The following SUN1 variants were observed in gnomAD, a reference collection of about 807,000 sequenced individuals.
SUN1 encodes the protein SUN domain-containing protein 1.
SUN1 carries 61 observed loss-of-function variants against 103.2 expected under a neutral mutation model. The observed-to-expected ratio is 0.59, with a 90% CI of 0.48 to 0.73. The LOEUF (loss-of-function observed/expected upper bound fraction) is 0.73, where lower values mean the gene tolerates loss of function less well. Among genes scored for constraint, SUN1 ranks in the 30% least tolerant of loss-of-function variants. The pLI is 0.00. For missense variants in SUN1, 1,052 were observed against 1,034.6 expected (o/e 1.02, Z -0.23); for synonymous variants, 490 against 425.7 (o/e 1.15, Z -1.86).
chr7:844,008 A>C (rs937409077), intron 5 of SUN1: 6 of 503,558 alleles, frequency 1.2e-5, no homozygotes, highest in Admixed American at 1.1e-4. Flanking sequence ...TCTGGGAAGG[A>C]CACACGTGAC....
chr7:859,424 C>T (rs1378591416), intron 13 of SUN1, among the ~76,000 whole-genome samples: 1 of 152,162 alleles, frequency 6.6e-6, no homozygotes, highest in Non-Finnish European at 1.5e-5. Context: ...CCTTGGGAAT[C>T]ATCCTACAGA....
At chr7:830,379 CATT>C (rs1459914946), upstream of SUN1, among the ~76,000 whole-genome samples, 1 of 152,202 alleles carries the variant, frequency 6.6e-6, no homozygotes, top group Admixed American at 6.5e-5. Flanking sequence ...GGACAGGTGT[CATT>C]ACGCGGGGAC....
intron 1 of SUN1, among the ~76,000 whole-genome samples, chr7:818,110 G>A (rs759872630): frequency 1.8e-4 from 28 of 151,940 alleles, no homozygotes; most frequent in Non-Finnish European, 3.4e-4. Flanking sequence ...TACACGTAAC[G>A]TAAAACAACA....
chr7:831,592 A>G (rs1798058716), upstream of SUN1, among the ~76,000 whole-genome samples: 1 of 152,174 alleles, frequency 6.6e-6, no homozygotes, highest in African/African-American at 2.4e-5. Context: ...AAAATGCAGG[A>G]GTTTCATCAT....
At chr7:852,275 C>A (rs1419562328) in intron 7 of SUN1, 12 of 603,792 alleles carry the variant, frequency 2.0e-5, no homozygotes, top group Non-Finnish European at 2.9e-5. Context: ...CTGGGAGGGC[C>A]TGGGCAGGAT....
chr7:832,864 G>A, intron 1 of SUN1: 1 of 457,312 alleles, frequency 2.2e-6, no homozygotes, highest in South Asian at 3.3e-5. Context: ...AGGTGGTTGT[G>A]ATGTTGAGAA....
intron 1 of SUN1, among the ~76,000 whole-genome samples, chr7:834,762 T>C (rs1172978483): frequency 6.6e-6 from 1 of 150,496 alleles, no homozygotes; most frequent in African/African-American, 2.5e-5. Context: ...GGCCACTCAC[T>C]TTCTTTAATT....
In SUN1 at chr7:853,396, C is replaced by T. The variant is rs761239679; in HGVS notation, c.1054-13C>T. Reference sequence around the variant, plus strand: ...TTTGACTACCTGGTTTCATTTCTCTCTTGCCATTTCAGGGTGACAGTGAGG... The same window carrying T: ...TTTGACTACCTGGTTTCATTTCTCTTTTGCCATTTCAGGGTGACAGTGAGG... On this transcript the variant is annotated splice_polypyrimidine_tract_variant and intron_variant, in intron 9 of 18. Transcript: ENST00000401592. 6.2e-7 allele frequency: 1 copy of T among 1,612,992 alleles called. No individual in the cohort carries two copies. The highest frequency in any genetic ancestry group is 1.3e-5 in the African/African-American group (1 of 75,068).
chr7:852,202 C>A, intron 7 of SUN1, 159 bp downstream of exon 7: 1 of 687,886 alleles, frequency 1.5e-6, no homozygotes, highest in Non-Finnish European at 2.4e-6. Flanking sequence ...ATTTTTCAAA[C>A]CAACCTGTGA....
chr7:863,575 G>A (rs1024125823), intron 15 of SUN1, among the ~76,000 whole-genome samples: 3 of 151,968 alleles, frequency 2.0e-5, no homozygotes, highest in African/African-American at 4.8e-5. Flanking sequence ...TAACATATTC[G>A]CGGTGCAGCC....
chr7:862,275 A>G (rs1832815871), intron 15 of SUN1, among the ~76,000 whole-genome samples: 8 of 152,194 alleles, frequency 5.3e-5, no homozygotes, highest in Admixed American at 5.2e-4. Flanking sequence ...GGGGCTGGAG[A>G]GCCTGCAGGG....
At chr7:817,046 C>T (rs111968669) in intron 1 of SUN1, 44,957 of 169,016 alleles carry the variant, frequency 0.27, 6,987 homozygotes, top group African/African-American at 0.43. Context: ...TCTCAGGCCT[C>T]GGCCCGGGCT....
At chr7:842,278 G>C in intron 3 of SUN1, 148 bp downstream of exon 3, 2 of 841,094 alleles carry the variant, frequency 2.4e-6, no homozygotes, top group African/African-American at 3.4e-5. Context: ...TGGGTTTGCT[G>C]CGTGACTGGC....
intron 1 of SUN1, among the ~76,000 whole-genome samples, chr7:822,297 C>A (rs774531347): frequency 1.3e-5 from 2 of 152,154 alleles, no homozygotes; most frequent in African/African-American, 2.4e-5. Context: ...TCTGTTGGTA[C>A]TTTGGTTTTC....
chr7:824,046 G>A (rs761395360), intron 1 of SUN1, among the ~76,000 whole-genome samples: 5 of 152,218 alleles, frequency 3.3e-5, no homozygotes, highest in Admixed American at 2.0e-4. Context: ...TTTCTAAGAA[G>A]TGGGACATGA....
At chr7:849,998 G>A (rs1368168618) in intron 5 of SUN1, 19 of 1,600,342 alleles carry the variant, frequency 1.2e-5, no homozygotes, top group East Asian at 4.5e-5. Flanking sequence ...CTGCCCGGTC[G>A]GGCAGGGACC....
intron 5 of SUN1, among the ~76,000 whole-genome samples, chr7:849,158 A>G (rs1445010505): frequency 6.6e-6 from 1 of 152,152 alleles, no homozygotes; most frequent in South Asian, 2.1e-4. Flanking sequence ...GGGTTTCATC[A>G]TGTTAGCCAA....
chr7:864,573 A>AG (rs1270699487), intron 15 of SUN1, among the ~76,000 whole-genome samples: 1 of 150,670 alleles, frequency 6.6e-6, no homozygotes, highest in Non-Finnish European at 1.5e-5. Flanking sequence ...AAAAAAAAAA[A>AG]GCACAATGAA....
chr7:860,393 G>T lies in SUN1; in HGVS notation c.1779+11G>T. ...GGAATAACAGAGGCGGTGAGTCGGC[G>T]AGTCGGCGGCAAGAGATGCTTACAG... is the stretch of plus-strand genomic sequence containing the variant. On this transcript the variant is annotated intron_variant, in intron 14 of 18. Coordinates refer to ENST00000401592, the MANE Select transcript of SUN1 (RefSeq NM_001130965.3). 6.2e-7 allele frequency: 1 copy of T among 1,610,052 alleles called. No homozygotes were observed. The highest frequency in any genetic ancestry group is 1.1e-5 in the South Asian group (1 of 91,026).
Sources: gnomAD v4.1 joint callset for allele counts (sites outside exome capture counted in the v4.1 genomes callset) on GRCh38, gnomAD v4.1.1 for gene constraint, MANE v1.5 for transcripts, NCBI Gene and HGNC (gene_info 2026-07-23, HGNC 2026-07-21) for gene names.